KLC1: variants seen among roughly 807,000 people sequenced by gnomAD.
The protein encoded by KLC1 is kinesin light chain 1, also known as kinesin 2 60/70kDa.
Under a neutral mutation model 84.2 loss-of-function variants are expected in KLC1, and 30 were observed. That is an observed-to-expected ratio of 0.36 (90% CI 0.27 to 0.48). The LOEUF (loss-of-function observed/expected upper bound fraction) is 0.48. Among genes scored for constraint, KLC1 ranks in the 20% least tolerant of loss-of-function variants. The pLI is 0.99. For missense variants in KLC1, 499 were observed against 805.4 expected (o/e 0.62, Z 4.60); for synonymous variants, 289 against 293.3 (o/e 0.99, Z 0.15).
intron 14 of KLC1, among the ~76,000 whole-genome samples, chr14:103,690,674 A>G (rs946986738): frequency 6.6e-6 from 1 of 152,186 alleles, no homozygotes; most frequent in Non-Finnish European, 1.5e-5. Flanking sequence ...AATTCAAGTA[A>G]CCCTCAGTAT....
intron 11 of KLC1, 144 bp downstream of exon 11, chr14:103,675,900 A>C: frequency 3.1e-6 from 2 of 642,866 alleles, no homozygotes; most frequent in Non-Finnish European, 5.5e-6. Flanking sequence ...AATTAAAAAA[A>C]CCCCACTAAC....
In KLC1 at chr14:103,694,991, C is replaced by T. The variant is rs900772694; in HGVS notation, c.1848+2566C>T. On this transcript the variant is annotated intron_variant, in intron 15 of 16. Coordinates refer to ENST00000334553, the MANE Select transcript of KLC1 (RefSeq NM_001394837.1). The surrounding 1 kb of genome is among the most constrained non-coding windows in gnomAD (Gnocchi z 4.5). ...AGCTGCCCTGTGGAGCCAGCGTTGT[C>T]CCCGAGCTGCTCGCCTGTGGCCGTG... 1.0e-6 allele frequency: 1 copy of T among 985,416 alleles called. No individual in the cohort carries two copies. Among genetic ancestry groups the T allele is most frequent in the Non-Finnish European group, 1.2e-6 (1 of 829,938 alleles). The allele number at this position is 985,416 out of a possible 1,614,324, so 61.0% of individuals were successfully genotyped here. A position where few individuals can be genotyped will look rare whatever the true frequency, so the allele number is the denominator to read the frequency against.
intron 15 of KLC1, among the ~76,000 whole-genome samples, 177 bp downstream of exon 15, chr14:103,692,602 C>T (rs2082184189): frequency 6.6e-6 from 1 of 152,152 alleles, no homozygotes. Flanking sequence ...TGCTTAACCA[C>T]TGATTATGTG....
chr14:103,667,331 T>C (rs1038002843), intron 5 of KLC1, among the ~76,000 whole-genome samples: 11 of 152,036 alleles, frequency 7.2e-5, no homozygotes, highest in African/African-American at 2.7e-4. Flanking sequence ...GATCTTGAAC[T>C]CCTGACCTCG....
chr14:103,652,267 AC>A (rs1411108083), intron 1 of KLC1, among the ~76,000 whole-genome samples: 1 of 152,132 alleles, frequency 6.6e-6, no homozygotes, highest in African/African-American at 2.4e-5. Flanking sequence ...TTTGTTGAAA[AC>A]TGGTCCTTAA....
At chr14:103,649,293 A>G (rs1203320956) in intron 1 of KLC1, among the ~76,000 whole-genome samples, 1 of 152,094 alleles carries the variant, frequency 6.6e-6, no homozygotes, top group Non-Finnish European at 1.5e-5. Context: ...CATGAAAACC[A>G]CAATACTATA....
At chr14:103,697,350 T>A (rs1375343692) in intron 15 of KLC1, among the ~76,000 whole-genome samples, 4 of 151,830 alleles carry the variant, frequency 2.6e-5, no homozygotes, top group Non-Finnish European at 5.9e-5. Flanking sequence ...AGCCCTTACC[T>A]TTCCCCCAAC....
chr14:103,640,864 A>G (rs1400075005), intron 1 of KLC1, among the ~76,000 whole-genome samples: 1 of 152,112 alleles, frequency 6.6e-6, no homozygotes, highest in Non-Finnish European at 1.5e-5. Context: ...AATATCCTAC[A>G]TTACTGTGAT....
rs533126531 is a variant in KLC1 at position 103,653,445 on chromosome 14, CT to C, written c.-1-1118del. ...CAAGTGATTCTCGTGCCTCAGCCCC[CT>C]GAGTAGCTGGGACCACAGGCGTGTG... On this transcript the variant is annotated intron_variant, in intron 1 of 16. Coordinates refer to ENST00000334553, the MANE Select transcript of KLC1 (RefSeq NM_001394837.1). Among the ~76,000 whole-genome samples the C allele has an allele frequency of 9.1e-3, 1,382 of 152,328 alleles. 25 individuals carry two copies. Among genetic ancestry groups the C allele is most frequent in the African/African-American group, 0.032 (1,329 of 41,582 alleles).
At chr14:103,644,565 C>T (rs1454673520) in intron 1 of KLC1, among the ~76,000 whole-genome samples, 2 of 152,010 alleles carry the variant, frequency 1.3e-5, no homozygotes, top group African/African-American at 4.8e-5. Flanking sequence ...GCCTGCATGA[C>T]CTGTTTTTTT....
intron 13 of KLC1, among the ~76,000 whole-genome samples, chr14:103,681,991 GT>G (rs2081377854): frequency 3.3e-5 from 5 of 152,156 alleles, no homozygotes; most frequent in Non-Finnish European, 7.3e-5. Context: ...CGTTACCACT[GT>G]AGCCACTTAC....
intron 5 of KLC1, among the ~76,000 whole-genome samples, chr14:103,667,852 T>A (rs1399280460): frequency 1.3e-5 from 2 of 152,212 alleles, no homozygotes; most frequent in Non-Finnish European, 2.9e-5. Flanking sequence ...TTGAGAAAGA[T>A]GTGTGCTAAG....
chr14:103,680,715 C>T (rs2081280382), intron 13 of KLC1, among the ~76,000 whole-genome samples: 1 of 152,178 alleles, frequency 6.6e-6, no homozygotes, highest in Non-Finnish European at 1.5e-5. Flanking sequence ...CTCCCTGTCG[C>T]CCGCATCCTG....
rs1167935473 is a variant in KLC1, at chr14:103,701,488, G to A, written c.*289G>A. The A allele has an allele frequency of 9.5e-6, 4 of 421,038 alleles. No individual in the cohort carries two copies. The highest frequency in any genetic ancestry group is 1.3e-5 in the Non-Finnish European group (3 of 235,476). The allele number at this position is 421,038 out of a possible 1,614,324, so 26.1% of individuals were successfully genotyped here. ...TTCCCATGTGTAACTTCCTCACGTTGTGTGCGATAACGTATTTTATTGTAC... is the reference window on the plus strand; with the variant it reads ...TTCCCATGTGTAACTTCCTCACGTTATGTGCGATAACGTATTTTATTGTAC... On this transcript the variant is annotated 3_prime_UTR_variant, in exon 17 of 17. Coordinates refer to ENST00000334553, the MANE Select transcript of KLC1 (RefSeq NM_001394837.1).
intron 1 of KLC1, among the ~76,000 whole-genome samples, chr14:103,653,179 C>T (rs920988033): frequency 5.9e-5 from 9 of 151,980 alleles, no homozygotes; most frequent in African/African-American, 1.5e-4. Flanking sequence ...GGTCTTGCTC[C>T]GTCACCCAGG....
At chr14:103,670,147 T>C (rs2080253748) in intron 6 of KLC1, 35 bp from the exon 7 acceptor site, 2 of 1,490,008 alleles carry the variant, frequency 1.3e-6, no homozygotes, top group East Asian at 4.5e-5. Context: ...TTGGTTATCT[T>C]TTACCATTCT....
At position 103,699,527 on chromosome 14, in the gene KLC1, C is replaced by G. The variant is rs756095186; in HGVS notation, c.1849-1128C>G. On this transcript the variant is annotated intron_variant, in intron 15 of 16. Coordinates refer to ENST00000334553, the MANE Select transcript of KLC1 (RefSeq NM_001394837.1). The stretch of plus-strand genomic sequence containing the variant: ...GATGACCACCAGGCGAGCCATGCCC[C>G]GAGACAGCAGTACGGGGACCTTCTT... The G allele has an allele frequency of 6.2e-7, 1 of 1,613,474 alleles. No homozygotes were observed. Among genetic ancestry groups the G allele is most frequent in the East Asian group, 2.2e-5 (1 of 44,868 alleles).
intron 7 of KLC1, among the ~76,000 whole-genome samples, chr14:103,672,181 A>G (rs1383608864): frequency 3.9e-5 from 6 of 152,166 alleles, no homozygotes; most frequent in Non-Finnish European, 7.4e-5. Context: ...TTGGAACTGC[A>G]TCTTGAATAA....
rs775065731 is a variant in KLC1, at chr14:103,633,061, A to AT, written c.-2+3581dup. Among the ~76,000 whole-genome samples the AT allele has an allele frequency of 1.6e-3, 227 of 144,482 alleles. 2 individuals carry two copies. The highest frequency in any genetic ancestry group is 1.9e-3 in the African/African-American group (76 of 39,634). The allele number at this position is 144,482 out of a possible 152,430, so 94.8% of individuals were successfully genotyped here. ...GAGGTTTACAAAGGAGGGTTGGAAG[A>AT]TTTTTTTTTTTTTTGAGATGGAGTC... is the stretch of plus-strand genomic sequence containing the variant. On this transcript the variant is annotated intron_variant, in intron 1 of 16. Coordinates refer to ENST00000334553, the MANE Select transcript of KLC1 (RefSeq NM_001394837.1).
Sources: allele counts gnomAD v4.1 joint callset (sites outside exome capture counted in the v4.1 genomes callset), GRCh38; gene constraint gnomAD v4.1.1; non-coding constraint Gnocchi (gnomAD v3.1); transcripts MANE v1.5; gene names NCBI Gene and HGNC (gene_info 2026-07-23, HGNC 2026-07-21).